Variants in RTN4 observed in about 807,000 individuals in gnomAD.
RTN4 encodes the protein reticulon-4.
A neutral mutation model predicts 90.4 loss-of-function variants in RTN4; 32 were observed. The ratio of observed to expected loss-of-function variants is 0.35; its 90% CI spans 0.27 to 0.48. The LOEUF is 0.48. Ranked by LOEUF, RTN4 falls within the 20% of genes least tolerant of loss-of-function variation. RTN4 has a pLI of 0.99. For synonymous variants in RTN4, 629 were observed against 552.5 expected, an observed-to-expected ratio of 1.14 and a Z score of -1.94; for missense variants, 1,706 against 1,430.2, an observed-to-expected ratio of 1.19 and a Z score of -3.11.
At chr2:55,132,830 T>A in the RTN4 span, among the ~76,000 whole-genome samples, 289 of 70,250 alleles carry the variant, frequency 4.1e-3, 1 homozygote, top group East Asian at 0.032. Context: ...AAAAAAAAAA[T>A]TGAAAATTAA....
At chr2:55,022,099 C>CA (rs1681485278) in intron 3 of RTN4, among the ~76,000 whole-genome samples, 1 of 152,144 alleles carries the variant, frequency 6.6e-6, no homozygotes, top group Admixed American at 6.5e-5. Flanking sequence ...CCAGGTTTAA[C>CA]AAAAACAATC....
At chr2:54,978,762 CATT>C (rs1271016408) in intron 5 of RTN4, among the ~76,000 whole-genome samples, 2 of 152,006 alleles carry the variant, frequency 1.3e-5, no homozygotes, top group Non-Finnish European at 2.9e-5. Context: ...TTAAAAAACT[CATT>C]GTTATTTAAA....
At chr2:55,037,733 T>C (rs1173006577) in intron 1 of RTN4, among the ~76,000 whole-genome samples, 1 of 152,126 alleles carries the variant, frequency 6.6e-6, no homozygotes, top group African/African-American at 2.4e-5. Flanking sequence ...CCCCTACTAA[T>C]CTCTAGATTC....
At chr2:55,087,775 C>T (rs958166199) in intron 1 of RTN4, among the ~76,000 whole-genome samples, 2 of 151,734 alleles carry the variant, frequency 1.3e-5, no homozygotes, top group African/African-American at 4.8e-5. Context: ...AATTGTTGTA[C>T]CAACTTGACA....
chr2:55,091,739 AG>A (rs1668938380), intron 1 of RTN4, among the ~76,000 whole-genome samples: 1 of 152,194 alleles, frequency 6.6e-6, no homozygotes. Flanking sequence ...ACCCAAAACT[AG>A]GAAGAAAAAG....
intron 2 of RTN4, among the ~76,000 whole-genome samples, chr2:55,076,390 T>A (rs1417841538): frequency 5.0e-4 from 3 of 5,962 alleles, no homozygotes; most frequent in East Asian, 4.6e-3. Context: ...TCTTTTGTTC[T>A]TTTTTTTTTT....
At chr2:55,042,868 C>A (rs1046344399) in intron 1 of RTN4, among the ~76,000 whole-genome samples, 1 of 152,094 alleles carries the variant, frequency 6.6e-6, no homozygotes, top group African/African-American at 2.4e-5. Flanking sequence ...AGTACACTGT[C>A]TGGTGGAGGA....
In RTN4 at chr2:55,086,825, A is replaced by ATTTTTTTTTTTTTTT. The variant is rs146093058; in HGVS notation, c.-213-6187_-213-6186insAAAAAAAAAAAAAAA. On this transcript the variant is annotated intron_variant, in intron 1 of 3. Coordinates refer to the RTN4 transcript ENST00000427710. ...AATTTTGCCTTTGTTTTCAACTTTAATTTATTTTTTTTTTTTTGTAGACGA... is the reference window on the plus strand; with the variant it reads ...AATTTTGCCTTTGTTTTCAACTTTAATTTTTTTTTTTTTTTTTTATTTTTTTTTTTTTGTAGACGA... Among the ~76,000 whole-genome samples, 5 of 140,484 alleles carry ATTTTTTTTTTTTTTT rather than the reference A, an allele frequency of 3.6e-5. 2 individuals are homozygous for ATTTTTTTTTTTTTTT. Among genetic ancestry groups the ATTTTTTTTTTTTTTT allele is most frequent in the Non-Finnish European group, 3.1e-5 (2 of 64,892 alleles). 92.2% of individuals were successfully genotyped at this position (140,484 alleles called of 152,430 possible).
At position 54,972,250 on chromosome 2, in the gene RTN4, T is replaced by G. The variant is rs538492865; in HGVS notation, c.*906A>C. The G allele has an allele frequency of 6.5e-6, 1 of 152,788 alleles. No individual in the cohort carries two copies. Among genetic ancestry groups the G allele is most frequent in the South Asian group, 2.1e-4 (1 of 4,832 alleles). The allele number at this position is 152,788 out of a possible 1,614,324, so 9.5% of individuals were successfully genotyped here. On this transcript the variant is annotated 3_prime_UTR_variant, in exon 9 of 9. Coordinates refer to ENST00000337526, the MANE Select transcript of RTN4 (RefSeq NM_020532.5). The stretch of plus-strand genomic sequence containing the variant: ...ACAGTTCACAATGCATTCCACAGAT[T>G]TAGTTCAGTACAGCTTAAACCACAA...
At chr2:55,044,348 G>A (rs976090905) in intron 1 of RTN4, among the ~76,000 whole-genome samples, 3 of 152,030 alleles carry the variant, frequency 2.0e-5, no homozygotes, top group African/African-American at 7.3e-5. Flanking sequence ...CCATAATCAT[G>A]CCACTGCACT....
chr2:55,031,024 T>C (rs934123971), intron 1 of RTN4, among the ~76,000 whole-genome samples: 6 of 152,160 alleles, frequency 3.9e-5, no homozygotes, highest in African/African-American at 1.4e-4. Context: ...AACTACCCTG[T>C]AAGGTAGGTA....
chr2:55,118,780 T>G, the RTN4 span, among the ~76,000 whole-genome samples: 1 of 152,336 alleles, frequency 6.6e-6, no homozygotes, highest in East Asian at 1.9e-4. Context: ...TGCTCTCTAA[T>G]GCAGATGAGG....
intron 3 of RTN4, among the ~76,000 whole-genome samples, chr2:55,009,631 A>G (rs1337897206): frequency 6.6e-6 from 1 of 152,224 alleles, no homozygotes; most frequent in Non-Finnish European, 1.5e-5. Flanking sequence ...TTCAAATCAG[A>G]TTTTCAAAGA....
chr2:55,064,914 G>C (rs1463715204), intron 2 of RTN4, among the ~76,000 whole-genome samples: 1 of 152,148 alleles, frequency 6.6e-6, no homozygotes, highest in Non-Finnish European at 1.5e-5. Flanking sequence ...ATATGAAAGT[G>C]ATAGGGTATC....
chr2:55,011,910 A>C (rs1680672275), intron 3 of RTN4, among the ~76,000 whole-genome samples: 1 of 152,218 alleles, frequency 6.6e-6, no homozygotes, highest in Admixed American at 6.5e-5. Flanking sequence ...GAACCCCTGC[A>C]TAATGTGATA....
At chr2:54,991,714 T>C (rs1475818983) in intron 3 of RTN4, among the ~76,000 whole-genome samples, 1 of 152,238 alleles carries the variant, frequency 6.6e-6, no homozygotes, top group Non-Finnish European at 1.5e-5. Context: ...CCTTCCTTTT[T>C]AGATCTAGAT....
chr2:55,037,305 T>C (rs1682759373), intron 1 of RTN4, among the ~76,000 whole-genome samples: 1 of 152,242 alleles, frequency 6.6e-6, no homozygotes, highest in Admixed American at 6.5e-5. Context: ...CAGTTCTCTA[T>C]GAGTATATTG....
chr2:55,115,675 G>A (rs544807441), upstream of RTN4, among the ~76,000 whole-genome samples: 4 of 152,292 alleles, frequency 2.6e-5, no homozygotes, highest in East Asian at 1.9e-4. Context: ...AGTCTATTCC[G>A]GGGCACTATG....
intron 3 of RTN4, chr2:55,010,003 A>G: frequency 6.7e-7 from 1 of 1,485,324 alleles, no homozygotes; most frequent in Non-Finnish European, 9.3e-7. Context: ...TCAATCCAAA[A>G]TATCTAAATT....
Sources: allele counts gnomAD v4.1 joint callset (sites outside exome capture counted in the v4.1 genomes callset), GRCh38; gene constraint gnomAD v4.1.1; transcripts MANE v1.5; gene names NCBI Gene and HGNC (gene_info 2026-07-23, HGNC 2026-07-21).